GPR89B: variants seen among roughly 807,000 people sequenced by gnomAD.
The protein encoded by GPR89B is golgi pH regulator B.
In GPR89B, 25 loss-of-function variants were observed where a neutral mutation model predicts 52.4. The ratio of observed to expected loss-of-function variants is 0.48; its 90% confidence interval spans 0.35 to 0.67. The LOEUF is 0.67. Ranked by LOEUF, GPR89B falls within the 30% of genes least tolerant of loss-of-function variation. The pLI, the probability that GPR89B is intolerant of heterozygous loss-of-function variation, is 0.01. For missense variants in GPR89B, 146 were observed against 450.2 expected, an observed-to-expected ratio of 0.32 and a Z score of 6.11; for synonymous variants, 52 against 151.2, an observed-to-expected ratio of 0.34 and a Z score of 4.81.
chr1:147,990,543 T>C (rs1658984882), intron 12 of GPR89B, among the ~76,000 whole-genome samples: 1 of 152,234 alleles, frequency 6.6e-6, no homozygotes. Context: ...TCCTGAATGT[T>C]ATTGCCTAGG....
chr1:147,948,904 G>C (rs1272065576), intron 5 of GPR89B, among the ~76,000 whole-genome samples: 2 of 152,054 alleles, frequency 1.3e-5, no homozygotes, highest in Admixed American at 6.5e-5. Context: ...AGAGGACCCT[G>C]CGGCCTTCCG....
At chr1:147,958,948 T>TG (rs1439621081) in intron 7 of GPR89B, among the ~76,000 whole-genome samples, 19 of 152,196 alleles carry the variant, frequency 1.2e-4, no homozygotes, top group African/African-American at 4.6e-4. Flanking sequence ...ATTCATATAA[T>TG]GCCCTTGCCA....
chr1:147,970,509 CTCTCT>C (rs1657355011), intron 10 of GPR89B, among the ~76,000 whole-genome samples: 1 of 148,734 alleles, frequency 6.7e-6, no homozygotes, highest in African/African-American at 2.5e-5. Context: ...CTCTCTCTCT[CTCTCT>C]CTCTCTCTCT....
chr1:147,985,970 T>C lies in GPR89B; in HGVS notation c.910-229T>C, dbSNP rs1384930032. Among the ~76,000 whole-genome samples, 166 of 152,360 alleles carry C rather than the reference T, an allele frequency of 1.1e-3. 1 individual carries two copies. Among genetic ancestry groups the C allele is most frequent in the Admixed American group, 3.3e-4 (5 of 15,306 alleles). On this transcript the variant is annotated intron_variant, in intron 10 of 13. Transcript: ENST00000314163. ...CATAATGCCGTAGCTTTATTCCCAT[T>C]GACTCTTTACAGAAAAGAAAGATGG...
At chr1:148,006,804 C>A in the GPR89B span, among the ~76,000 whole-genome samples, 1 of 151,886 alleles carries the variant, frequency 6.6e-6, no homozygotes, top group African/African-American at 2.4e-5. Context: ...GCAACCTCTG[C>A]CTCCCCGGTT....
At chr1:148,010,616 A>T in the GPR89B span, 1 of 152,448 alleles carries the variant, frequency 6.6e-6, no homozygotes, top group Non-Finnish European at 1.5e-5. Context: ...GGGTCTTTGA[A>T]AGCCTGTTTA....
chr1:147,935,506 T>C (rs1404644911), intron 1 of GPR89B, among the ~76,000 whole-genome samples: 11 of 152,206 alleles, frequency 7.2e-5, no homozygotes, highest in Non-Finnish European at 1.6e-4. Flanking sequence ...TCAGCTGTCA[T>C]GTGGCTACGG....
intron 5 of GPR89B, among the ~76,000 whole-genome samples, chr1:147,952,856 G>A (rs1402661643): frequency 3.3e-5 from 5 of 150,488 alleles, no homozygotes; most frequent in African/African-American, 4.9e-5. Context: ...TTTATTAGAT[G>A]AATTCTGTGT....
chr1:147,947,486 T>C (rs1655084088), intron 5 of GPR89B, among the ~76,000 whole-genome samples: 1 of 152,008 alleles, frequency 6.6e-6, no homozygotes, highest in South Asian at 2.1e-4. Context: ...GGAATCTGTG[T>C]GAGCAGGTGG....
At chr1:147,942,293 CA>C (rs1365158140) in intron 3 of GPR89B, among the ~76,000 whole-genome samples, 9 of 135,012 alleles carry the variant, frequency 6.7e-5, no homozygotes, top group Non-Finnish European at 1.3e-4. Context: ...TGGCTATAAC[CA>C]AAAAAAAAAC....
chr1:148,023,400 A>T, the GPR89B span, among the ~76,000 whole-genome samples: 1 of 146,292 alleles, frequency 6.8e-6, no homozygotes, highest in Admixed American at 6.7e-5. Context: ...TGGTGTGGTG[A>T]TCATAGGAGC....
chr1:147,985,637 T>G (rs1343604829), intron 10 of GPR89B, among the ~76,000 whole-genome samples: 1 of 136,692 alleles, frequency 7.3e-6, no homozygotes, highest in Non-Finnish European at 1.5e-5. Context: ...GATGTGGTTG[T>G]TTTTTTTTTT....
chr1:148,013,081 A>G, the GPR89B span, among the ~76,000 whole-genome samples: 1 of 152,136 alleles, frequency 6.6e-6, no homozygotes, highest in African/African-American at 2.4e-5. Flanking sequence ...ATTATTGAGC[A>G]TTTATGCAAT....
At chr1:147,939,753 T>A (rs1227896150) in intron 3 of GPR89B, among the ~76,000 whole-genome samples, 1 of 152,076 alleles carries the variant, frequency 6.6e-6, no homozygotes, top group Non-Finnish European at 1.5e-5. Context: ...ATCCTAGCAC[T>A]TTGGGAGGCT....
intron 7 of GPR89B, among the ~76,000 whole-genome samples, chr1:147,958,923 A>G (rs1226133780): frequency 0.033 from 4,995 of 152,218 alleles, 70 homozygotes; most frequent in Admixed American, 0.051. Flanking sequence ...ACATGACAAC[A>G]CTGGGGCCCT....
chr1:147,998,966 G>C, the GPR89B span, among the ~76,000 whole-genome samples: 1 of 151,658 alleles, frequency 6.6e-6, no homozygotes, highest in Non-Finnish European at 1.5e-5. Flanking sequence ...ACTGCTAGAG[G>C]GTTGTGTTTT....
intron 10 of GPR89B, among the ~76,000 whole-genome samples, chr1:147,981,774 G>A (rs1288836982): frequency 4.0e-5 from 6 of 149,264 alleles, no homozygotes; most frequent in Admixed American, 1.3e-4. Flanking sequence ...TGCCTCAGCC[G>A]CCTGAGTAGC....
chr1:147,932,568 T>C (rs1475080664), intron 1 of GPR89B, among the ~76,000 whole-genome samples: 4 of 152,166 alleles, frequency 2.6e-5, no homozygotes, highest in Non-Finnish European at 5.9e-5. Flanking sequence ...CAAAGCTCCC[T>C]TTTCTAACTC....
chr1:148,003,047 T>C, the GPR89B span, among the ~76,000 whole-genome samples: 2 of 152,354 alleles, frequency 1.3e-5, no homozygotes, highest in African/African-American at 4.8e-5. Flanking sequence ...GACATATGTC[T>C]CTTATCTACT....
Sources: allele counts gnomAD v4.1 joint callset (sites outside exome capture counted in the v4.1 genomes callset), GRCh38; gene constraint gnomAD v4.1.1; transcripts MANE v1.5; gene names NCBI Gene and HGNC (gene_info 2026-07-23, HGNC 2026-07-21).